The following MAD1L1 variants were observed in gnomAD, a reference collection of about 807,000 sequenced individuals.
MAD1L1 encodes the protein mitotic spindle assembly checkpoint protein MAD1.
MAD1L1 carries 95 observed loss-of-function variants against 96.9 expected under a neutral mutation model. The observed-to-expected ratio is 0.98, with a 90% CI of 0.83 to 1.16. The LOEUF is 1.16. Ranked by LOEUF, MAD1L1 falls within the 50% of genes most tolerant of loss-of-function variation. The pLI is 0.00. For synonymous variants in MAD1L1, 473 were observed against 396.6 expected, an observed-to-expected ratio of 1.19 and a Z score of -2.29; for missense variants, 1,007 against 954.4, an observed-to-expected ratio of 1.06 and a Z score of -0.73.
intron 14 of MAD1L1, among the ~76,000 whole-genome samples, chr7:1,984,780 C>T (rs1356822819): frequency 1.3e-5 from 2 of 152,184 alleles, no homozygotes; most frequent in African/African-American, 4.8e-5. Context: ...AGAGTTTAGT[C>T]CAACTATAAC....
chr7:2,180,071 C>A (rs1043036302), intron 10 of MAD1L1, among the ~76,000 whole-genome samples: 1 of 152,220 alleles, frequency 6.6e-6, no homozygotes, highest in African/African-American at 2.4e-5. Flanking sequence ...AGTCTGTCAA[C>A]CACTTCAACA....
chr7:1,899,230 A>G (rs945835004), intron 17 of MAD1L1, among the ~76,000 whole-genome samples: 3 of 152,216 alleles, frequency 2.0e-5, no homozygotes, highest in African/African-American at 7.2e-5. Context: ...CTCACCCGAG[A>G]GGCCTTCCAA....
At chr7:2,169,040 G>T (rs1054487677) in intron 10 of MAD1L1, among the ~76,000 whole-genome samples, 15 of 152,246 alleles carry the variant, frequency 9.9e-5, no homozygotes, top group African/African-American at 3.6e-4. Flanking sequence ...TGTACCCGGT[G>T]CTTGTCCTGG....
intron 11 of MAD1L1, among the ~76,000 whole-genome samples, chr7:2,128,433 C>T (rs1788343444): frequency 6.6e-6 from 1 of 152,052 alleles, no homozygotes; most frequent in Non-Finnish European, 1.5e-5. Flanking sequence ...ACTCGCTCAT[C>T]AGCACGGGAG....
chr7:1,932,943 C>T (rs1789565335), intron 17 of MAD1L1, among the ~76,000 whole-genome samples: 1 of 152,234 alleles, frequency 6.6e-6, no homozygotes, highest in Admixed American at 6.5e-5. Flanking sequence ...GATTTCCATT[C>T]ACTGTTCCCT....
At chr7:1,839,448 C>T (rs1377159148) in intron 18 of MAD1L1, among the ~76,000 whole-genome samples, 3 of 151,926 alleles carry the variant, frequency 2.0e-5, no homozygotes, top group Non-Finnish European at 2.9e-5. Flanking sequence ...CAGCTGCCCG[C>T]AGGACAAGCT....
intron 18 of MAD1L1, among the ~76,000 whole-genome samples, chr7:1,836,557 C>T (rs1167031706): frequency 2.0e-5 from 3 of 152,108 alleles, no homozygotes; most frequent in Non-Finnish European, 2.9e-5. Flanking sequence ...CTCTGATACC[C>T]GCACACTGAA....
intron 12 of MAD1L1, among the ~76,000 whole-genome samples, chr7:2,068,820 G>A (rs1164421508): frequency 1.8e-4 from 28 of 152,210 alleles, no homozygotes; most frequent in Admixed American, 1.8e-3. Context: ...CCCAGGCCAA[G>A]ACCCACACAG....
At chr7:2,213,063 T>C in intron 10 of MAD1L1, 149 bp downstream of exon 10, 2 of 740,832 alleles carry the variant, frequency 2.7e-6, no homozygotes, top group Admixed American at 4.9e-5. Context: ...AAAGGCCTCA[T>C]TAAACCTGAG....
intron 10 of MAD1L1, among the ~76,000 whole-genome samples, chr7:2,164,599 G>C (rs1299201921): frequency 2.7e-5 from 4 of 149,128 alleles, no homozygotes; most frequent in Non-Finnish European, 5.9e-5. Context: ...AAAATGGGGG[G>C]GGGGGGGGTT....
chr7:1,916,036 G>C (rs1045247529), intron 17 of MAD1L1, among the ~76,000 whole-genome samples: 1 of 152,216 alleles, frequency 6.6e-6, no homozygotes, highest in Admixed American at 6.5e-5. Flanking sequence ...CCTAGGAGAG[G>C]CTAACAAGCC....
At chr7:1,853,481 G>A (rs1180962125) in intron 18 of MAD1L1, among the ~76,000 whole-genome samples, 1 of 152,148 alleles carries the variant, frequency 6.6e-6, no homozygotes, top group Non-Finnish European at 1.5e-5. Flanking sequence ...ACAGAAGCAG[G>A]TGACAGCAGA....
chr7:2,165,811 G>A (rs1277590952), intron 10 of MAD1L1, among the ~76,000 whole-genome samples: 5 of 152,138 alleles, frequency 3.3e-5, no homozygotes, highest in South Asian at 2.1e-4. Flanking sequence ...TGAGGACCAC[G>A]GTGGGGCTTG....
intron 10 of MAD1L1, among the ~76,000 whole-genome samples, chr7:2,161,741 C>T (rs1790142900): frequency 6.6e-6 from 1 of 151,158 alleles, no homozygotes; most frequent in South Asian, 2.1e-4. Context: ...GTGAAGAGCG[C>T]CTCTGCCTGG....
chr7:2,114,132 G>C lies in MAD1L1; in HGVS notation c.1073+35020C>G, dbSNP rs573883436. 1.3e-5 allele frequency among the ~76,000 whole-genome samples: 2 copies of C among 152,182 alleles called. No homozygotes were observed. The highest frequency in any genetic ancestry group is 2.4e-5 in the African/African-American group (1 of 41,438). On this transcript the variant is annotated intron_variant, in intron 11 of 18. Coordinates refer to ENST00000265854, the MANE Select transcript of MAD1L1 (RefSeq NM_001013836.2). The surrounding 1 kb of genome is among the most constrained non-coding windows in gnomAD (Gnocchi z 4.2). ...GTTACCCTCGGGAAAGCTGGCGGAG[G>C]GTGCGTCGAAACATTCTCCACGACT...
At chr7:2,132,539 G>C (rs1001389049) in intron 11 of MAD1L1, among the ~76,000 whole-genome samples, 4 of 152,124 alleles carry the variant, frequency 2.6e-5, no homozygotes, top group Non-Finnish European at 4.4e-5. Context: ...AAATCCTCTG[G>C]GTCCGCCTGC....
At chr7:2,215,575 A>C (rs1793224096) in intron 9 of MAD1L1, among the ~76,000 whole-genome samples, 1 of 151,790 alleles carries the variant, frequency 6.6e-6, no homozygotes, top group African/African-American at 2.4e-5. Flanking sequence ...CCCGTCCTCC[A>C]TCTCCACACC....
chr7:2,079,164 C>T (rs1370001463), intron 11 of MAD1L1, among the ~76,000 whole-genome samples: 2 of 152,228 alleles, frequency 1.3e-5, no homozygotes, highest in African/African-American at 4.8e-5. Context: ...CACTCAGTGG[C>T]ACAGGTGGGC....
At chr7:2,134,112 C>A (rs907194147) in intron 11 of MAD1L1, among the ~76,000 whole-genome samples, 11 of 152,196 alleles carry the variant, frequency 7.2e-5, no homozygotes, top group African/African-American at 2.2e-4. Context: ...CTGGGGAGAA[C>A]TGATAATATA....
Sources: gnomAD v4.1 joint callset for allele counts (sites outside exome capture counted in the v4.1 genomes callset) on GRCh38, gnomAD v4.1.1 for gene constraint, Gnocchi (gnomAD v3.1) non-coding constraint, MANE v1.5 for transcripts, NCBI Gene and HGNC (gene_info 2026-07-23, HGNC 2026-07-21) for gene names.